SP140: variants seen among roughly 807,000 people sequenced by gnomAD.
The protein encoded by SP140 is nuclear body protein SP140.
SP140 carries 81 observed loss-of-function variants against 125.0 expected under a neutral mutation model. That is an observed-to-expected ratio of 0.65 (90% CI 0.54 to 0.78). The LOEUF (loss-of-function observed/expected upper bound fraction) is 0.78. Ranked by LOEUF, SP140 falls within the 30% of genes least tolerant of loss-of-function variation. The pLI is 0.00. For synonymous variants in SP140, 312 were observed against 354.0 expected, an observed-to-expected ratio of 0.88 and a Z score of 1.33; for missense variants, 858 against 1,037.0, an observed-to-expected ratio of 0.83 and a Z score of 2.37.
At chr2:230,270,730 T>C (rs1206029958) in intron 15 of SP140, 91 bp downstream of exon 15, 25 of 1,227,934 alleles carry the variant, frequency 2.0e-5, no homozygotes, top group Non-Finnish European at 2.7e-5. Context: ...CTATTTCTGT[T>C]ATTATTTGTA....
intron 12 of SP140, among the ~76,000 whole-genome samples, chr2:230,262,776 CT>C: frequency 6.6e-6 from 1 of 152,060 alleles, no homozygotes; most frequent in East Asian, 1.9e-4. Flanking sequence ...TTGGAGGTGC[CT>C]TTTGGAGTTG....
the SP140 span, among the ~76,000 whole-genome samples, chr2:230,191,775 T>C: frequency 6.6e-6 from 1 of 152,280 alleles, no homozygotes; most frequent in Non-Finnish European, 1.5e-5. Context: ...CCTCCTTAAC[T>C]CATTTTATGA....
intron 3 of SP140, among the ~76,000 whole-genome samples, chr2:230,219,070 C>T (rs2045552563): frequency 6.6e-6 from 1 of 152,058 alleles, no homozygotes; most frequent in Non-Finnish European, 1.5e-5. Flanking sequence ...ACTAAAAATA[C>T]AAAAATTAGC....
chr2:230,296,247 T>TA lies in SP140; in HGVS notation c.2017-1167dup, dbSNP rs533959382. Among the ~76,000 whole-genome samples, 97 of 152,098 alleles carry TA rather than the reference T, an allele frequency of 6.4e-4. No homozygotes were observed. The East Asian group carries it at 6.6e-3, about 10-fold the overall frequency. ...CTGAGTGAGACTCTGTCTCAAAAAA[T>TA]AAAAAAAGTTTTAAATTTATTGTCA... On this transcript the variant is annotated intron_variant, in intron 21 of 26. Transcript: ENST00000392045.
chr2:230,310,525 C>A, intron 23 of SP140: 1 of 1,064,890 alleles, frequency 9.4e-7, no homozygotes, highest in Non-Finnish European at 1.4e-6. Flanking sequence ...ACGGTGACAC[C>A]ACCTTCCTCA....
intron 3 of SP140, 138 bp downstream of exon 3, chr2:230,238,519 GA>G (rs2149112492): frequency 1.1e-6 from 1 of 877,138 alleles, no homozygotes; most frequent in South Asian, 1.7e-5. Context: ...ATATAATGAT[GA>G]AAAAACACAC....
At chr2:230,301,168 A>G (rs1237930703) in intron 22 of SP140, among the ~76,000 whole-genome samples, 1 of 152,258 alleles carries the variant, frequency 6.6e-6, no homozygotes, top group Non-Finnish European at 1.5e-5. Context: ...ACCAAACCTA[A>G]GAATAATTTG....
At chr2:230,220,907 G>A (rs549185677), upstream of SP140, among the ~76,000 whole-genome samples, 3 of 152,276 alleles carry the variant, frequency 2.0e-5, no homozygotes, top group South Asian at 2.1e-4. Context: ...AGTTAGTGAG[G>A]AGGCTGAGGC....
chr2:230,248,586 G>A lies in SP140; in HGVS notation c.893-299G>A, dbSNP rs1413090408. Among the ~76,000 whole-genome samples the A allele has an allele frequency of 3.3e-5, 5 of 152,112 alleles. 1 individual carries two copies. Among genetic ancestry groups the A allele is most frequent in the African/African-American group, 9.7e-5 (4 of 41,418 alleles). Reference sequence around the variant, plus strand: ...AGAGCTAAAGAAATAATAGAAAAGGGATATGGTATCACTGAAAAAGAAAAA... The same window carrying A: ...AGAGCTAAAGAAATAATAGAAAAGGAATATGGTATCACTGAAAAAGAAAAA... On this transcript the variant is annotated intron_variant, in intron 8 of 26. Transcript: ENST00000392045.
chr2:230,287,846 A>G, intron 17 of SP140, 46 bp from the exon 18 acceptor site: 1 of 1,525,182 alleles, frequency 6.6e-7, no homozygotes, highest in Non-Finnish European at 9.0e-7. Context: ...TATGTGTAAT[A>G]CAGCTGCTCA....
At chr2:230,234,048 A>G (rs1228049374) in intron 1 of SP140, among the ~76,000 whole-genome samples, 1 of 152,238 alleles carries the variant, frequency 6.6e-6, no homozygotes, top group Non-Finnish European at 1.5e-5. Context: ...GGTTTTAATG[A>G]TGCTTCCAGT....
chr2:230,234,211 C>T (rs961524950), intron 1 of SP140, among the ~76,000 whole-genome samples: 12 of 152,222 alleles, frequency 7.9e-5, no homozygotes, highest in African/African-American at 2.7e-4. Context: ...CACCAGCCCT[C>T]TGCACAGAGG....
intron 1 of SP140, among the ~76,000 whole-genome samples, chr2:230,204,696 A>G (rs2043565915): frequency 6.6e-6 from 1 of 152,190 alleles, no homozygotes; most frequent in South Asian, 2.1e-4. Context: ...AGTAATTACA[A>G]TAGAGTATTT....
intron 23 of SP140, 58 bp from the exon 24 acceptor site, chr2:230,310,685 G>A: frequency 8.3e-7 from 1 of 1,198,754 alleles, no homozygotes; most frequent in Middle Eastern, 2.7e-4. Flanking sequence ...GGTAGCCACA[G>A]GAACGGTGGC....
At chr2:230,307,000 C>A (rs2058824946) in intron 22 of SP140, among the ~76,000 whole-genome samples, 1 of 152,204 alleles carries the variant, frequency 6.6e-6, no homozygotes, top group African/African-American at 2.4e-5. Context: ...ACCCATGGAC[C>A]AATCAGCATA....
In SP140 at chr2:230,250,966, C is replaced by A. The variant is rs1175954615; in HGVS notation, c.977-15C>A. Reference sequence around the variant, plus strand: ...CTCTTCATAATTTCTTGAGGGATTTCTTTTCTTTCTGCAGAGGGCAGTGAT... The same window carrying A: ...CTCTTCATAATTTCTTGAGGGATTTATTTTCTTTCTGCAGAGGGCAGTGAT... On this transcript the variant is annotated splice_polypyrimidine_tract_variant and intron_variant, in intron 9 of 26. Coordinates refer to ENST00000392045, the MANE Select transcript of SP140 (RefSeq NM_007237.5). 3 of 1,613,084 alleles carry A rather than the reference C, an allele frequency of 1.9e-6. No homozygotes were observed. Among genetic ancestry groups the A allele is most frequent in the Non-Finnish European group, 2.5e-6 (3 of 1,179,350 alleles).
chr2:230,279,010 G>C lies in SP140; in HGVS notation c.1499-5336G>C, dbSNP rs905148254. On this transcript the variant is annotated intron_variant, in intron 15 of 26. Transcript: ENST00000392045. ...GTAAGGTTGCAGAATTCAAAGATCA[G>C]TTGTGTTTCTATGCACTAACAATGA... is the stretch of plus-strand genomic sequence containing the variant. Among the ~76,000 whole-genome samples, 3 of 152,052 alleles carry C rather than the reference G, an allele frequency of 2.0e-5. No individual in the cohort carries two copies. The South Asian group carries it at 6.2e-4, about 31-fold the overall frequency.
intron 22 of SP140, among the ~76,000 whole-genome samples, chr2:230,297,988 T>C (rs1575302235): frequency 1.3e-5 from 2 of 152,196 alleles, no homozygotes; most frequent in South Asian, 2.1e-4. Flanking sequence ...AAGGAGTACA[T>C]ACAAGGCAAG....
chr2:230,222,844 T>G (rs1264867976), upstream of SP140, among the ~76,000 whole-genome samples: 6 of 150,902 alleles, frequency 4.0e-5, no homozygotes, highest in African/African-American at 1.5e-4. Flanking sequence ...ATTAAAGTTT[T>G]TTTTTTTTTT....
Sources: gnomAD v4.1 joint callset for allele counts (sites outside exome capture counted in the v4.1 genomes callset) on GRCh38, gnomAD v4.1.1 for gene constraint, MANE v1.5 for transcripts, NCBI Gene and HGNC (gene_info 2026-07-23, HGNC 2026-07-21) for gene names.